WWC1: variants seen among roughly 807,000 people sequenced by gnomAD.
WWC1 encodes protein KIBRA.
WWC1 carries 55 observed loss-of-function variants against 138.4 expected under a neutral mutation model. That is an observed-to-expected ratio of 0.40 (90% CI 0.32 to 0.50). WWC1 has a LOEUF of 0.50. Among genes scored for constraint, WWC1 ranks in the 20% least tolerant of loss-of-function variants. The pLI, the probability that WWC1 is intolerant of heterozygous loss-of-function variation, is 0.72. For synonymous variants in WWC1, 524 were observed against 564.9 expected, an observed-to-expected ratio of 0.93 and a Z score of 1.03; for missense variants, 1,226 against 1,420.4, an observed-to-expected ratio of 0.86 and a Z score of 2.20.
intron 15 of WWC1, among the ~76,000 whole-genome samples, chr5:168,438,367 G>C (rs1344384647): frequency 6.6e-6 from 1 of 152,106 alleles, no homozygotes; most frequent in Non-Finnish European, 1.5e-5. Context: ...AGATCTGATG[G>C]TTATATAAGG....
In WWC1 at chr5:168,394,788, G is replaced by A. The variant is rs1437792172; in HGVS notation, c.434-2936G>A. Among the ~76,000 whole-genome samples, 13 of 152,278 alleles carry A rather than the reference G, an allele frequency of 8.5e-5. No individual in the cohort carries two copies. The South Asian group carries it at 2.7e-3, about 32-fold the overall frequency. ...GAAGGGATGCAGACACAAAGGAGAG[G>A]CTGATGACCTGTTTTCTTGATTACA... On this transcript the variant is annotated intron_variant, in intron 3 of 22. Coordinates refer to ENST00000265293, the MANE Select transcript of WWC1 (RefSeq NM_015238.3).
Position 168,455,670 on chromosome 5 carries a change from G to C in WWC1, c.2823+150G>C. On this transcript the variant is annotated intron_variant, in intron 19 of 22. Transcript: ENST00000265293. The stretch of plus-strand genomic sequence containing the variant: ...CTCAGTTTCCTCAGGTGGAGTTCAC[G>C]GGCCTACTTCATAGGATTGTTTTAG... 3.1e-6 allele frequency: 3 copies of C among 966,186 alleles called. No individual in the cohort carries two copies. In the South Asian group the frequency reaches 5.1e-5, roughly 16 times the overall value. The allele number at this position is 966,186 out of a possible 1,614,324, so 59.9% of individuals were successfully genotyped here. A position where few individuals can be genotyped will look rare whatever the true frequency, so the allele number is the denominator to read the frequency against.
intron 9 of WWC1, among the ~76,000 whole-genome samples, chr5:168,418,581 G>A (rs1489946186): frequency 2.6e-5 from 4 of 152,052 alleles, no homozygotes; most frequent in Non-Finnish European, 4.4e-5. Flanking sequence ...AGGTGGCCTC[G>A]GCACCTGTGC....
intron 2 of WWC1, among the ~76,000 whole-genome samples, chr5:168,372,681 C>G (rs1470655145): frequency 6.6e-6 from 1 of 152,172 alleles, no homozygotes; most frequent in East Asian, 1.9e-4. Context: ...TGTGGCAGGG[C>G]TGGGATTGGA....
intron 5 of WWC1, among the ~76,000 whole-genome samples, chr5:168,400,080 G>A (rs1417388142): frequency 1.3e-5 from 2 of 151,364 alleles, no homozygotes; most frequent in Non-Finnish European, 2.9e-5. Context: ...GGTGACTTAA[G>A]GAGTTTCCAG....
intron 1 of WWC1, among the ~76,000 whole-genome samples, chr5:168,364,343 C>T (rs1165064252): frequency 6.6e-6 from 1 of 152,176 alleles, no homozygotes; most frequent in African/African-American, 2.4e-5. Flanking sequence ...CACCCCATTG[C>T]TGCATTCTCT....
intron 1 of WWC1, among the ~76,000 whole-genome samples, chr5:168,336,253 A>C (rs1773440795): frequency 6.6e-6 from 1 of 152,132 alleles, no homozygotes; most frequent in Non-Finnish European, 1.5e-5. Flanking sequence ...CCAGCAGAAG[A>C]GCCAAGGCAC....
chr5:168,446,678 T>C (rs931994126), intron 17 of WWC1, among the ~76,000 whole-genome samples: 32 of 152,310 alleles, frequency 2.1e-4, no homozygotes, highest in Admixed American at 1.9e-3. Flanking sequence ...GCTCTAACCT[T>C]GTCTGAACCT....
Position 168,386,424 on chromosome 5 carries a change from G to T in WWC1, c.433+1010G>T, listed in dbSNP as rs183218659. On this transcript the variant is annotated intron_variant, in intron 3 of 22. Transcript: ENST00000265293. ...TTTTTTTCTTTTGAGACGGAGTCTC[G>T]CTCTGTTGCCCAGGCTGGAGTGCAG... is the stretch of plus-strand genomic sequence containing the variant. Among the ~76,000 whole-genome samples, 48 of 147,194 alleles carry T rather than the reference G, an allele frequency of 3.3e-4. No homozygotes were observed. In the East Asian group the frequency reaches 8.5e-3, roughly 26 times the overall value.
intron 1 of WWC1, among the ~76,000 whole-genome samples, chr5:168,335,576 A>T (rs1213216558): frequency 6.6e-6 from 1 of 152,244 alleles, no homozygotes; most frequent in Non-Finnish European, 1.5e-5. Context: ...CTAATTAAAC[A>T]GAAGAGGAAT....
intron 1 of WWC1, among the ~76,000 whole-genome samples, chr5:168,304,451 G>A (rs1369814520): frequency 1.3e-5 from 2 of 152,170 alleles, no homozygotes; most frequent in African/African-American, 4.8e-5. Flanking sequence ...AGCCAGTGGA[G>A]GACCTTGGGT....
chr5:168,394,489 G>GGC (rs1561700733), intron 3 of WWC1, among the ~76,000 whole-genome samples: 1 of 146,734 alleles, frequency 6.8e-6, no homozygotes, highest in African/African-American at 2.8e-5. Context: ...CACTTGGGGG[G>GGC]CCGAGGCGGG....
At chr5:168,328,743 G>T (rs963124755) in intron 1 of WWC1, among the ~76,000 whole-genome samples, 1 of 152,022 alleles carries the variant, frequency 6.6e-6, no homozygotes, top group African/African-American at 2.4e-5. Context: ...CACCATATTG[G>T]CCAGGCTGGT....
At chr5:168,442,511 C>T (rs550864568) in intron 16 of WWC1, among the ~76,000 whole-genome samples, 2 of 148,428 alleles carry the variant, frequency 1.3e-5, no homozygotes, top group Admixed American at 1.3e-4. Flanking sequence ...ATGTAAAGAG[C>T]ACTTGGTAAC....
intron 1 of WWC1, among the ~76,000 whole-genome samples, chr5:168,354,555 C>G (rs1775247302): frequency 6.6e-6 from 1 of 152,200 alleles, no homozygotes; most frequent in South Asian, 2.1e-4. Flanking sequence ...ATGCCTAGCA[C>G]TAGTGCTGTC....
chr5:168,292,060 G>C lies in WWC1; in HGVS notation c.-93G>C. On this transcript the variant is annotated 5_prime_UTR_variant, in exon 1 of 23. Transcript: ENST00000265293. The surrounding 1 kb of genome is among the most constrained non-coding windows in gnomAD (Gnocchi z 4.4). ...CCACCCCCCGGATCATGGTGCCTCG[G>C]CGGCCGCCCGGGCTAAGAGCGGCCG... The C allele has an allele frequency of 7.3e-7, 1 of 1,370,436 alleles. No homozygotes were observed. Among genetic ancestry groups the C allele is most frequent in the Non-Finnish European group, 9.4e-7 (1 of 1,064,264 alleles). The allele number at this position is 1,370,436 out of a possible 1,614,324, so 84.9% of individuals were successfully genotyped here.
intron 3 of WWC1, among the ~76,000 whole-genome samples, chr5:168,396,970 T>G (rs1778949862): frequency 6.6e-6 from 1 of 151,976 alleles, no homozygotes; most frequent in Non-Finnish European, 1.5e-5. Flanking sequence ...TTTTTCTGAT[T>G]GTAAAGCATA....
chr5:168,401,084 C>G (rs1381851448), intron 5 of WWC1, among the ~76,000 whole-genome samples: 1 of 150,986 alleles, frequency 6.6e-6, no homozygotes, highest in East Asian at 1.9e-4. Context: ...AAGTGAGACC[C>G]TGTCTCGAAA....
intron 7 of WWC1, 115 bp from the exon 8 acceptor site, chr5:168,409,807 G>A (rs1780087407): frequency 9.7e-7 from 1 of 1,026,740 alleles, no homozygotes. Flanking sequence ...AGTCACCGGG[G>A]GCTATTCTTG....
Sources: gnomAD v4.1 joint callset for allele counts (sites outside exome capture counted in the v4.1 genomes callset) on GRCh38, gnomAD v4.1.1 for gene constraint, Gnocchi (gnomAD v3.1) non-coding constraint, MANE v1.5 for transcripts, NCBI Gene and HGNC (gene_info 2026-07-23, HGNC 2026-07-21) for gene names.